ANO5: variants seen among roughly 807,000 people sequenced by gnomAD.
ANO5 encodes anoctamin-5.
In ANO5, 109 loss-of-function variants were observed where a neutral mutation model predicts 121.0. The observed-to-expected ratio is 0.90, with a 90% CI of 0.77 to 1.06. ANO5 has a LOEUF of 1.06. Among genes scored for constraint, ANO5 ranks in the 50% least tolerant of loss-of-function variants. The pLI, the probability that ANO5 is intolerant of heterozygous loss-of-function variation, is 0.00. For synonymous variants in ANO5, 406 were observed against 359.9 expected (o/e 1.13, Z -1.45); for missense variants, 1,064 against 1,078.5 (o/e 0.99, Z 0.19).
chr11:22,264,110 A>G (rs1012769959), intron 17 of ANO5, among the ~76,000 whole-genome samples: 2 of 135,590 alleles, frequency 1.5e-5, no homozygotes, highest in African/African-American at 5.8e-5. Flanking sequence ...TGCAACCTCC[A>G]CCTCCTGGGT....
At chr11:22,249,066 T>C (rs1853713874) in intron 9 of ANO5, among the ~76,000 whole-genome samples, 1 of 152,012 alleles carries the variant, frequency 6.6e-6, no homozygotes, top group African/African-American at 2.4e-5. Context: ...TATGATGGCA[T>C]TATAATTTAA....
intron 3 of ANO5, among the ~76,000 whole-genome samples, chr11:22,215,850 T>G (rs1183831826): frequency 1.3e-5 from 2 of 151,886 alleles, no homozygotes; most frequent in Non-Finnish European, 2.9e-5. Flanking sequence ...ACCGCTGATT[T>G]GTTTTTCTTT....
chr11:22,205,237 A>G (rs1447758806), intron 2 of ANO5, among the ~76,000 whole-genome samples: 1 of 152,106 alleles, frequency 6.6e-6, no homozygotes, highest in African/African-American at 2.4e-5. Flanking sequence ...AGGAAAAACA[A>G]CTAGTGGGTA....
intron 17 of ANO5, among the ~76,000 whole-genome samples, chr11:22,269,935 A>G (rs1854547329): frequency 6.6e-6 from 1 of 152,156 alleles, no homozygotes; most frequent in South Asian, 2.1e-4. Context: ...ATTTCCTATT[A>G]TAGTCAATTT....
chr11:22,207,293 T>C (rs1852149835), intron 2 of ANO5, among the ~76,000 whole-genome samples: 1 of 152,026 alleles, frequency 6.6e-6, no homozygotes, highest in African/African-American at 2.4e-5. Context: ...TTTTAAGACT[T>C]GTTCTTTAGC....
intron 2 of ANO5, among the ~76,000 whole-genome samples, chr11:22,204,591 A>G (rs1274789739): frequency 6.6e-6 from 1 of 152,126 alleles, no homozygotes; most frequent in Non-Finnish European, 1.5e-5. Context: ...GCTATTTGCT[A>G]GTTGGCTGGA....
In ANO5 at chr11:22,250,842, C is replaced by A. The variant is rs1264144121; in HGVS notation, c.1115C>A (p.Ser372Ter). 1.9e-6 allele frequency: 3 copies of A among 1,613,734 alleles called. No homozygotes were observed. In the South Asian group the frequency reaches 3.3e-5, roughly 18 times the overall value. Residue 372 changes from serine to a stop codon, truncating the protein, a stop_gained, in exon 11 of 22, where the codon TCA becomes TAA. Coordinates refer to ENST00000324559, the MANE Select transcript of ANO5 (RefSeq NM_213599.3). LOFTEE classifies it high-confidence loss of function. ...YWRLNSTCLA[S>*]KFSHLFDNES... ...AGACTAAATAGTACGTGTTTGGCTT[C>A]AAAGGTATGTATGCATTGTAACATG...
intron 9 of ANO5, among the ~76,000 whole-genome samples, chr11:22,247,981 T>C (rs976217396): frequency 6.6e-6 from 1 of 152,102 alleles, no homozygotes; most frequent in Non-Finnish European, 1.5e-5. Flanking sequence ...AATATATGTG[T>C]GGTACAGATA....
Position 22,279,623 on chromosome 11 carries a change from G to A in ANO5, c.2600G>A (p.Arg867Lys). 1 of 1,613,032 alleles carries A rather than the reference G, an allele frequency of 6.2e-7. No individual in the cohort carries two copies. The highest frequency in any genetic ancestry group is 8.5e-7 in the Non-Finnish European group (1 of 1,179,210). The part of the protein sequence containing the change: ...VPKDVVERIK[R>K]EKLMTIKILH... Reference sequence around the variant, plus strand: ...AAAGATGTTGTGGAGAGAATCAAGAGAGAAAAGTTAATGACTATCAAGATT... The same window carrying A: ...AAAGATGTTGTGGAGAGAATCAAGAAAGAAAAGTTAATGACTATCAAGATT... The change falls in exon 22 of 22, where the codon AGA (arginine) becomes AAA (lysine). Residue 867 changes from arginine to lysine, a missense_variant. Transcript: ENST00000324559.
intron 7 of ANO5, among the ~76,000 whole-genome samples, chr11:22,233,253 A>G (rs1015093450): frequency 6.6e-6 from 1 of 151,690 alleles, no homozygotes; most frequent in African/African-American, 2.4e-5. Flanking sequence ...CCGAGAAAAC[A>G]TAAGAAAAAA....
chr11:22,255,171 T>C (rs1272973265), intron 12 of ANO5, among the ~76,000 whole-genome samples, 200 bp from the exon 13 acceptor site: 1 of 152,138 alleles, frequency 6.6e-6, no homozygotes, highest in Admixed American at 6.6e-5. Context: ...AATTTTTGTA[T>C]GATTTTTTTT....
intron 18 of ANO5, among the ~76,000 whole-genome samples, chr11:22,271,041 G>GT (rs1251645580): frequency 6.6e-6 from 1 of 152,082 alleles, no homozygotes; most frequent in African/African-American, 2.4e-5. Flanking sequence ...AACTTTCTCT[G>GT]TTTCTCTCGC....
intron 7 of ANO5, among the ~76,000 whole-genome samples, chr11:22,228,071 T>C (rs914605639): frequency 4.6e-5 from 7 of 152,100 alleles, no homozygotes; most frequent in Middle Eastern, 3.2e-3. Flanking sequence ...TAAATAGTCT[T>C]GTTTTCTCTG....
At chr11:22,237,569 T>A (rs1853265459) in intron 8 of ANO5, among the ~76,000 whole-genome samples, 1 of 152,068 alleles carries the variant, frequency 6.6e-6, no homozygotes, top group Non-Finnish European at 1.5e-5. Context: ...TTTTGTATTT[T>A]TAGTAGAGAC....
intron 3 of ANO5, among the ~76,000 whole-genome samples, chr11:22,216,706 A>G (rs1031772177): frequency 6.6e-6 from 1 of 151,844 alleles, no homozygotes; most frequent in Admixed American, 6.6e-5. Flanking sequence ...TCAATTTCTC[A>G]TATTTTATCT....
intron 13 of ANO5, among the ~76,000 whole-genome samples, chr11:22,257,147 C>G (rs1367409102): frequency 6.6e-6 from 1 of 151,586 alleles, no homozygotes; most frequent in Admixed American, 6.6e-5. Context: ...CTACTTACTT[C>G]TTGATGCACC....
Position 22,221,402 on chromosome 11 carries a change from T to A in ANO5, c.294+192T>A, listed in dbSNP as rs1590237060. On this transcript the variant is annotated intron_variant, in intron 5 of 21. Coordinates refer to ENST00000324559, the MANE Select transcript of ANO5 (RefSeq NM_213599.3). Reference sequence around the variant, plus strand: ...GTAAAGTCAATGTTATCTTTTTGGATATTTTGCATACTAACTTATTTTTCT... The same window carrying A: ...GTAAAGTCAATGTTATCTTTTTGGAAATTTTGCATACTAACTTATTTTTCT... Among the ~76,000 whole-genome samples, 3 of 152,158 alleles carry A rather than the reference T, an allele frequency of 2.0e-5. No individual in the cohort carries two copies. The South Asian group carries it at 6.2e-4, about 32-fold the overall frequency.
chr11:22,272,764 C>A lies in ANO5; in HGVS notation c.2030-20C>A. Reference sequence around the variant, plus strand: ...TCTCCTTCACAATAATGAGTTCATGCCTTTTTCTTTTCTCTACAGTTACTC... The same window carrying A: ...TCTCCTTCACAATAATGAGTTCATGACTTTTTCTTTTCTCTACAGTTACTC... On this transcript the variant is annotated intron_variant, in intron 18 of 21. Transcript: ENST00000324559. 1 of 1,604,528 alleles carries A rather than the reference C, an allele frequency of 6.2e-7. No individual in the cohort carries two copies. The highest frequency in any genetic ancestry group is 8.5e-7 in the Non-Finnish European group (1 of 1,171,654).
chr11:22,250,595 T>C, intron 10 of ANO5, 146 bp from the exon 11 acceptor site: 2 of 1,023,706 alleles, frequency 2.0e-6, no homozygotes, highest in Non-Finnish European at 3.0e-6. Flanking sequence ...CCTCAAAGCA[T>C]GACTTGACCC....
Sources: gnomAD v4.1 joint callset for allele counts (sites outside exome capture counted in the v4.1 genomes callset) on GRCh38, gnomAD v4.1.1 for gene constraint, MANE v1.5 for transcripts, NCBI Gene and HGNC (gene_info 2026-07-23, HGNC 2026-07-21) for gene names.